Variants in ADAMTS12 observed in about 807,000 individuals in gnomAD.
The protein encoded by ADAMTS12 is ADAM metallopeptidase with thrombospondin type 1 motif 12.
Under a neutral mutation model 167.8 loss-of-function variants are expected in ADAMTS12, and 118 were observed. That is an observed-to-expected ratio of 0.70 (90% CI 0.61 to 0.82). The LOEUF (loss-of-function observed/expected upper bound fraction) is 0.82, where lower values mean the gene tolerates loss of function less well. ADAMTS12 is among the 40% of genes least tolerant of loss of function. The pLI, the probability that ADAMTS12 is intolerant of heterozygous loss-of-function variation, is 0.00. For synonymous variants in ADAMTS12, 704 were observed against 716.9 expected (o/e 0.98, Z 0.29); for missense variants, 1,916 against 1,998.8 (o/e 0.96, Z 0.79).
chr5:33,662,490 T>G lies in ADAMTS12; in HGVS notation c.916-450A>C, dbSNP rs4464696. Among the ~76,000 whole-genome samples, 209 of 152,350 alleles carry G rather than the reference T, an allele frequency of 1.4e-3. 3 individuals are homozygous for G. In the East Asian group the frequency reaches 0.019, roughly 14 times the overall value. On this transcript the variant is annotated intron_variant, in intron 5 of 23. Coordinates refer to ENST00000504830, the MANE Select transcript of ADAMTS12 (RefSeq NM_030955.4). ...CCTGCAAGGCTAGAGTTGCACTGGA[T>G]GTTTTCTAACCCTTGAATTTTATTT...
chr5:33,784,368 C>G (rs979125470), intron 2 of ADAMTS12, among the ~76,000 whole-genome samples: 3 of 151,762 alleles, frequency 2.0e-5, no homozygotes, highest in Admixed American at 2.0e-4. Flanking sequence ...ATAAGACAAG[C>G]AAAAGAAATT....
chr5:33,829,088 C>G (rs1748201873), intron 2 of ADAMTS12, among the ~76,000 whole-genome samples: 1 of 152,110 alleles, frequency 6.6e-6, no homozygotes, highest in Non-Finnish European at 1.5e-5. Context: ...ATCTTAAAAC[C>G]TCTTTCATCA....
chr5:33,703,163 A>C (rs1332855747), intron 3 of ADAMTS12, among the ~76,000 whole-genome samples: 1 of 152,216 alleles, frequency 6.6e-6, no homozygotes, highest in Non-Finnish European at 1.5e-5. Flanking sequence ...TTAAGATCTG[A>C]AGAGTTATAG....
Position 33,641,938 on chromosome 5 carries a change from C to T in ADAMTS12, c.1590G>A (p.Lys530=), listed in dbSNP as rs1176345443. The T allele has an allele frequency of 6.2e-7, 1 of 1,612,940 alleles. No individual in the cohort carries two copies. Among genetic ancestry groups the T allele is most frequent in the Admixed American group, 1.7e-5 (1 of 59,976 alleles). ...CTGGTTTCTTCCCCACTGTGATGCA[C>T]TTGCCTGCCATACACCACTGGAAAG... is the stretch of plus-strand genomic sequence containing the variant. The part of the protein sequence containing the change: ...CGEKKWCMAG[K]CITVGKKPES... Residue 530 remains lysine (K), a synonymous_variant, in exon 11 of 24, where the codon AAG becomes AAA. Coordinates refer to ENST00000504830, the MANE Select transcript of ADAMTS12 (RefSeq NM_030955.4).
intron 2 of ADAMTS12, among the ~76,000 whole-genome samples, chr5:33,846,207 A>C (rs1748938473): frequency 6.6e-6 from 1 of 151,370 alleles, no homozygotes; most frequent in African/African-American, 2.4e-5. Context: ...GAGCTAAAGA[A>C]AGGCAGAGGA....
At chr5:33,792,704 G>A (rs1030211590) in intron 2 of ADAMTS12, among the ~76,000 whole-genome samples, 5 of 152,196 alleles carry the variant, frequency 3.3e-5, no homozygotes, top group African/African-American at 1.2e-4. Context: ...CATAGGCACA[G>A]AACAAAAACA....
chr5:33,804,577 G>A (rs924718748), intron 2 of ADAMTS12, among the ~76,000 whole-genome samples: 1 of 152,202 alleles, frequency 6.6e-6, no homozygotes, highest in African/African-American at 2.4e-5. Context: ...CCCAACACGT[G>A]CTGAAAGGTA....
intron 2 of ADAMTS12, 87 bp downstream of exon 2, chr5:33,881,032 G>A (rs1750415957): frequency 2.0e-6 from 3 of 1,529,422 alleles, no homozygotes; most frequent in Middle Eastern, 2.4e-4. Context: ...ATATGTCAGT[G>A]CATCTGTGAA....
At chr5:33,878,289 T>A (rs1750303733) in intron 2 of ADAMTS12, among the ~76,000 whole-genome samples, 1 of 152,196 alleles carries the variant, frequency 6.6e-6, no homozygotes, top group Admixed American at 6.5e-5. Flanking sequence ...CTTTTTTTTT[T>A]TATAACCATC....
chr5:33,750,876 C>T (rs1337024090), intron 3 of ADAMTS12, among the ~76,000 whole-genome samples: 3 of 152,132 alleles, frequency 2.0e-5, no homozygotes, highest in African/African-American at 4.8e-5. Flanking sequence ...CCAAAAGAGG[C>T]TTTACTGAAT....
chr5:33,737,595 A>T (rs369555976), intron 3 of ADAMTS12, among the ~76,000 whole-genome samples: 46 of 152,324 alleles, frequency 3.0e-4, no homozygotes, highest in East Asian at 1.9e-3. Flanking sequence ...ACAATTTTTT[A>T]AAAAAGTCAT....
chr5:33,826,883 T>C (rs1292568899), intron 2 of ADAMTS12, among the ~76,000 whole-genome samples: 3 of 152,162 alleles, frequency 2.0e-5, no homozygotes, highest in Non-Finnish European at 2.9e-5. Flanking sequence ...CTCAGCTACA[T>C]TGCCAGGCAT....
Position 33,711,376 on chromosome 5 carries a change from C to T in ADAMTS12, c.635-27321G>A, listed in dbSNP as rs566210864. Among the ~76,000 whole-genome samples, 5 of 152,286 alleles carry T rather than the reference C, an allele frequency of 3.3e-5. No individual in the cohort carries two copies. In the South Asian group the frequency reaches 1.0e-3, roughly 32 times the overall value. ...TTTTACAGCTGACTGGCTGTTTTTA[C>T]TTCCTTTTCAATTATTATTTTGAAA... On this transcript the variant is annotated intron_variant, in intron 3 of 23. Coordinates refer to ENST00000504830, the MANE Select transcript of ADAMTS12 (RefSeq NM_030955.4).
intron 19 of ADAMTS12, among the ~76,000 whole-genome samples, chr5:33,575,051 G>T (rs1258375327): frequency 6.6e-6 from 1 of 152,110 alleles, no homozygotes; most frequent in African/African-American, 2.4e-5. Context: ...GAAATGAAAA[G>T]ACAAATACCT....
chr5:33,885,375 T>A (rs1750598961), intron 1 of ADAMTS12, among the ~76,000 whole-genome samples: 1 of 152,084 alleles, frequency 6.6e-6, no homozygotes, highest in South Asian at 2.1e-4. Flanking sequence ...TTTTTCCTTT[T>A]AAAATTTGTA....
intron 2 of ADAMTS12, among the ~76,000 whole-genome samples, chr5:33,786,503 T>A (rs1746330223): frequency 6.6e-6 from 1 of 151,588 alleles, no homozygotes. Flanking sequence ...CTCCGTGGAA[T>A]AAATATTAGA....
chr5:33,840,802 C>A (rs1748721562), intron 2 of ADAMTS12, among the ~76,000 whole-genome samples: 1 of 152,230 alleles, frequency 6.6e-6, no homozygotes, highest in African/African-American at 2.4e-5. Flanking sequence ...CTTGTTTGGT[C>A]ACTGATCAGC....
intron 3 of ADAMTS12, among the ~76,000 whole-genome samples, chr5:33,706,845 T>C (rs1301299331): frequency 4.6e-5 from 7 of 152,164 alleles, no homozygotes; most frequent in Non-Finnish European, 1.0e-4. Context: ...ACAGCCAATA[T>C]CATACTGAAT....
In ADAMTS12 at chr5:33,596,038, A is replaced by G. The variant is rs1231347736; in HGVS notation, c.2550T>C (p.His850=). 5.0e-6 allele frequency: 8 copies of G among 1,613,904 alleles called. No individual in the cohort carries two copies. In the South Asian group the frequency reaches 5.5e-5, roughly 11 times the overall value. The stretch of plus-strand genomic sequence containing the variant: ...CCATCCCGCGGCCCTTCTTTATGCA[A>G]TGGGCAGTTTGGCGGCGGATACCTG... ...CGTGIRRQTA[H]CIKKGRGMVK... Residue 850 remains histidine (H), a synonymous_variant, in exon 17 of 24, where the codon CAT becomes CAC. Coordinates refer to ENST00000504830, the MANE Select transcript of ADAMTS12 (RefSeq NM_030955.4).
Sources: allele counts gnomAD v4.1 joint callset (sites outside exome capture counted in the v4.1 genomes callset), GRCh38; gene constraint gnomAD v4.1.1; transcripts MANE v1.5; gene names NCBI Gene and HGNC (gene_info 2026-07-23, HGNC 2026-07-21).